Variants in CSMD1 observed in about 807,000 individuals in gnomAD.
CSMD1 encodes the protein CUB and Sushi multiple domains 1.
CSMD1 carries 213 observed loss-of-function variants against 417.5 expected under a neutral mutation model. That is an observed-to-expected ratio of 0.51 (90% CI 0.46 to 0.57). The LOEUF is 0.57. Ranked by LOEUF, CSMD1 falls within the 20% of genes least tolerant of loss-of-function variation. The pLI, the probability that CSMD1 is intolerant of heterozygous loss-of-function variation, is 0.00. For synonymous variants in CSMD1, 2,862 were observed against 1,736.8 expected (o/e 1.65, Z -16.11); for missense variants, 6,923 against 4,529.7 (o/e 1.53, Z -15.17).
At chr8:4,542,902 A>T (rs1315044948) in intron 2 of CSMD1, among the ~76,000 whole-genome samples, 1 of 152,132 alleles carries the variant, frequency 6.6e-6, no homozygotes, top group Non-Finnish European at 1.5e-5. Context: ...AGCATTTTTG[A>T]ATATTTATCT....
chr8:3,922,426 T>C (rs1375606139), intron 5 of CSMD1, among the ~76,000 whole-genome samples: 1 of 152,108 alleles, frequency 6.6e-6, no homozygotes, highest in African/African-American at 2.4e-5. Context: ...TTAAACTTCT[T>C]GGACTGTTTC....
At chr8:3,822,284 G>C (rs1427908114) in intron 5 of CSMD1, among the ~76,000 whole-genome samples, 1 of 152,140 alleles carries the variant, frequency 6.6e-6, no homozygotes, top group East Asian at 1.9e-4. Flanking sequence ...ACCCTTGTAA[G>C]AGCTTGTGTC....
intron 10 of CSMD1, among the ~76,000 whole-genome samples, chr8:3,559,689 T>A (rs1403986059): frequency 1.3e-5 from 2 of 152,196 alleles, no homozygotes; most frequent in African/African-American, 4.8e-5. Flanking sequence ...TATTATATCA[T>A]GTTTAAAATA....
At position 4,153,113 on chromosome 8, in the gene CSMD1, G is replaced by A. The variant is rs193072909; in HGVS notation, c.416-121014C>T. 2.6e-5 allele frequency among the ~76,000 whole-genome samples: 4 copies of A among 152,276 alleles called. No homozygotes were observed. In the East Asian group the frequency reaches 5.8e-4, roughly 22 times the overall value. ...ATGTGTAATTAATGTAGCCGTAAAGGAAAATGGCAATGTTGTATTGAATAC... is the reference window on the plus strand; with the variant it reads ...ATGTGTAATTAATGTAGCCGTAAAGAAAAATGGCAATGTTGTATTGAATAC... On this transcript the variant is annotated intron_variant, in intron 3 of 69. Coordinates refer to ENST00000635120, the MANE Select transcript of CSMD1 (RefSeq NM_033225.6).
chr8:4,258,109 AT>A (rs534326797), intron 3 of CSMD1, among the ~76,000 whole-genome samples: 1 of 150,344 alleles, frequency 6.7e-6, no homozygotes, highest in Non-Finnish European at 1.5e-5. Context: ...ATTCCCGGCT[AT>A]TTTTTTCTAT....
intron 3 of CSMD1, among the ~76,000 whole-genome samples, chr8:4,370,370 A>G (rs1172081828): frequency 2.0e-5 from 3 of 152,058 alleles, no homozygotes; most frequent in Non-Finnish European, 4.4e-5. Flanking sequence ...GCTGCTTTCA[A>G]GATTTTTTCT....
chr8:3,496,713 C>T (rs145451111), intron 10 of CSMD1, among the ~76,000 whole-genome samples: 2,433 of 152,190 alleles, frequency 0.016, 23 homozygotes, highest in Non-Finnish European at 0.024. Context: ...ATAGCCCCAG[C>T]TACTCGGGAA....
chr8:3,916,840 G>C (rs1808863928), intron 5 of CSMD1, among the ~76,000 whole-genome samples: 1 of 152,058 alleles, frequency 6.6e-6, no homozygotes, highest in Non-Finnish European at 1.5e-5. Flanking sequence ...GATTGCTGCA[G>C]GTTAGAGAGA....
intron 26 of CSMD1, among the ~76,000 whole-genome samples, chr8:3,232,155 G>C (rs1798880810): frequency 1.3e-5 from 2 of 151,968 alleles, no homozygotes; most frequent in South Asian, 4.2e-4. Flanking sequence ...TCCACTTCAG[G>C]GGAAGTCACT....
chr8:4,065,421 G>A (rs969976054), intron 3 of CSMD1, among the ~76,000 whole-genome samples: 1 of 152,150 alleles, frequency 6.6e-6, no homozygotes, highest in African/African-American at 2.4e-5. Flanking sequence ...AAAACTTCTA[G>A]AGAATAATTG....
intron 26 of CSMD1, among the ~76,000 whole-genome samples, chr8:3,252,779 G>A (rs905360209): frequency 7.9e-5 from 12 of 152,088 alleles, no homozygotes; most frequent in Non-Finnish European, 1.0e-4. Context: ...CTTCTTCCTC[G>A]TTTAGTCTTG....
intron 1 of CSMD1, among the ~76,000 whole-genome samples, chr8:4,807,516 A>G (rs6985319): frequency 0.31 from 47,088 of 151,998 alleles, 8,387 homozygotes; most frequent in East Asian, 0.49. Context: ...TAAACCCCAG[A>G]CAAACCAGAG....
intron 2 of CSMD1, among the ~76,000 whole-genome samples, chr8:4,477,005 G>T (rs984580492): frequency 6.6e-6 from 1 of 152,204 alleles, no homozygotes; most frequent in Non-Finnish European, 1.5e-5. Context: ...GGATGGACAG[G>T]TGGCTGTGGT....
intron 3 of CSMD1, among the ~76,000 whole-genome samples, chr8:4,140,172 G>C (rs1384287590): frequency 2.0e-5 from 3 of 149,724 alleles, no homozygotes; most frequent in African/African-American, 7.5e-5. Flanking sequence ...GAGCAACATA[G>C]CAAAAACCCG....
intron 5 of CSMD1, among the ~76,000 whole-genome samples, chr8:3,970,069 T>C (rs1356456300): frequency 6.6e-6 from 1 of 152,234 alleles, no homozygotes; most frequent in Non-Finnish European, 1.5e-5. Context: ...AAGTAGTCTA[T>C]GTTAGGTGCT....
Position 4,792,831 on chromosome 8 carries a change from G to C in CSMD1, c.86-155273C>G, listed in dbSNP as rs145458469. The stretch of plus-strand genomic sequence containing the variant: ...TTTAAAGTGACCAAGTGTTTCCAAA[G>C]CTCAATTTTAACAGGTCTCTCCAGC... On this transcript the variant is annotated intron_variant, in intron 1 of 69. Coordinates refer to ENST00000635120, the MANE Select transcript of CSMD1 (RefSeq NM_033225.6). Among the ~76,000 whole-genome samples the C allele has an allele frequency of 2.6e-5, 4 of 152,112 alleles. No homozygotes were observed. In the East Asian group the frequency reaches 7.7e-4, roughly 29 times the overall value.
chr8:4,358,957 G>C (rs542190164), intron 3 of CSMD1, among the ~76,000 whole-genome samples: 2 of 103,162 alleles, frequency 1.9e-5, no homozygotes, highest in African/African-American at 1.1e-4. Flanking sequence ...TACACTTCCA[G>C]AGTCTTGTGC....
intron 3 of CSMD1, among the ~76,000 whole-genome samples, chr8:4,163,143 A>G (rs145573671): frequency 9.0e-4 from 137 of 152,358 alleles, no homozygotes; most frequent in African/African-American, 3.0e-3. Flanking sequence ...ACCGAAGTAC[A>G]CTTTGGTTGC....
chr8:4,172,407 C>A (rs1238381716), intron 3 of CSMD1, among the ~76,000 whole-genome samples: 2 of 152,102 alleles, frequency 1.3e-5, no homozygotes, highest in Non-Finnish European at 2.9e-5. Flanking sequence ...CAGTGGGTCT[C>A]ATGGCTCCCG....
Sources: gnomAD v4.1 joint callset for allele counts (sites outside exome capture counted in the v4.1 genomes callset) on GRCh38, gnomAD v4.1.1 for gene constraint, MANE v1.5 for transcripts, NCBI Gene and HGNC (gene_info 2026-07-23, HGNC 2026-07-21) for gene names.